The following GRIP1 variants were observed in gnomAD, a reference collection of about 807,000 sequenced individuals.
GRIP1 encodes the protein glutamate receptor interacting protein 1, also known as glutamate receptor-interacting protein 1.
A neutral mutation model predicts 129.9 loss-of-function variants in GRIP1; 45 were observed. The observed-to-expected ratio is 0.35, with a 90% CI of 0.27 to 0.44. The LOEUF (loss-of-function observed/expected upper bound fraction) is 0.44, where lower values mean the gene tolerates loss of function less well. GRIP1 is among the 20% of genes least tolerant of loss of function. GRIP1 has a pLI of 1.00. For synonymous variants in GRIP1, 530 were observed against 520.8 expected (o/e 1.02, Z -0.24); for missense variants, 1,196 against 1,396.8 (o/e 0.86, Z 2.29).
At chr12:67,067,487 A>G (rs2043649212) in intron 1 of GRIP1, among the ~76,000 whole-genome samples, 1 of 152,200 alleles carries the variant, frequency 6.6e-6, no homozygotes, top group Non-Finnish European at 1.5e-5. Context: ...GCTATTTGCA[A>G]CTTTAAAGAT....
intron 24 of GRIP1, among the ~76,000 whole-genome samples, chr12:66,352,735 A>AG (rs2054295207): frequency 6.6e-6 from 1 of 151,690 alleles, no homozygotes; most frequent in South Asian, 2.1e-4. Context: ...AAAAAAAAAA[A>AG]AGGAAAAAAG....
chr12:66,381,013 C>A (rs976221440), intron 19 of GRIP1, among the ~76,000 whole-genome samples: 13 of 152,288 alleles, frequency 8.5e-5, no homozygotes, highest in African/African-American at 3.1e-4. Context: ...CTTCCCCATT[C>A]ACTTTCTCTC....
At chr12:66,763,242 C>A (rs941334898) in intron 1 of GRIP1, among the ~76,000 whole-genome samples, 11 of 152,136 alleles carry the variant, frequency 7.2e-5, no homozygotes, top group Non-Finnish European at 1.6e-4. Flanking sequence ...ACCCTCTAAA[C>A]TACAAAGGCC....
Position 66,833,060 on chromosome 12 carries a change from A to G in GRIP1, c.58+235990T>C, listed in dbSNP as rs2039547065. 1.3e-5 allele frequency among the ~76,000 whole-genome samples: 2 copies of G among 152,138 alleles called. 1 individual carries two copies. The highest frequency in any genetic ancestry group is 4.1e-4 in the South Asian group (2 of 4,820). On this transcript the variant is annotated intron_variant, in intron 1 of 1. Coordinates refer to the GRIP1 transcript ENST00000643019. ...AACTTAGGGCAGAATCTAATCCTAG[A>G]ATTACCAATTTCATGAAGCCAGTTT...
At chr12:66,559,881 A>G (rs980646947) in intron 2 of GRIP1, among the ~76,000 whole-genome samples, 2 of 152,164 alleles carry the variant, frequency 1.3e-5, no homozygotes, top group Admixed American at 6.6e-5. Context: ...CTGAGGAAAA[A>G]TAAAACTGGA....
Position 66,462,959 on chromosome 12 carries a change from T to C in GRIP1, c.1007A>G (p.His336Arg), listed in dbSNP as rs2059178200. ...CCCCTTTAGGGCCAGCCGGGTCTGATGATGGGGAAGGATCTCAAGCTTGAC... is the reference window on the plus strand; with the variant it reads ...CCCCTTTAGGGCCAGCCGGGTCTGACGATGGGGAAGGATCTCAAGCTTGAC... ...DQVKLEILPH[H>R]QTRLALKGPD... Residue 336 changes from histidine (H) to arginine (R), a missense_variant, in exon 9 of 25, where the codon CAT (histidine) becomes CGT (arginine). This residue lies in a region of GRIP1 where 508 missense variants were observed against 587.0 expected (regional missense o/e 0.87). Coordinates refer to ENST00000359742, the MANE Select transcript of GRIP1 (RefSeq NM_001366722.1). The C allele has an allele frequency of 6.2e-7, 1 of 1,614,076 alleles. No individual in the cohort carries two copies. The highest frequency in any genetic ancestry group is 1.7e-5 in the Admixed American group (1 of 60,004).
Position 66,719,375 on chromosome 12 carries a change from A to G in GRIP1, c.-420+84678T>C, listed in dbSNP as rs957684690. Among the ~76,000 whole-genome samples, 67 of 152,316 alleles carry G rather than the reference A, an allele frequency of 4.4e-4. 1 individual carries two copies. The highest frequency in any genetic ancestry group is 1.6e-3 in the African/African-American group (67 of 41,590). On this transcript the variant is annotated intron_variant, in intron 1 of 4. Coordinates refer to the GRIP1 transcript ENST00000538373. ...CCATTGAGGAGATGAGAGATCTTCC[A>G]TCCCTCCTCAGGGATAGATGTTAAC...
chr12:66,497,724 C>T (rs1360218598), intron 7 of GRIP1, among the ~76,000 whole-genome samples: 3 of 152,056 alleles, frequency 2.0e-5, no homozygotes, highest in Admixed American at 2.0e-4. Flanking sequence ...AGTGTGTGGA[C>T]AGCAAAAATG....
intron 2 of GRIP1, among the ~76,000 whole-genome samples, chr12:66,576,090 G>T (rs987147151): frequency 6.6e-6 from 1 of 152,140 alleles, no homozygotes; most frequent in African/African-American, 2.4e-5. Flanking sequence ...AGAAATCTTA[G>T]ACCTCTGGGA....
chr12:66,783,970 A>G (rs1167698826), intron 1 of GRIP1, among the ~76,000 whole-genome samples: 2 of 152,170 alleles, frequency 1.3e-5, no homozygotes, highest in Non-Finnish European at 2.9e-5. Context: ...CAATTCATTC[A>G]TATTGTAAGA....
chr12:66,795,803 T>C (rs2038678115), intron 1 of GRIP1, among the ~76,000 whole-genome samples: 1 of 152,142 alleles, frequency 6.6e-6, no homozygotes, highest in Non-Finnish European at 1.5e-5. Context: ...CTTTGACATA[T>C]AATCTTTCCT....
intron 1 of GRIP1, among the ~76,000 whole-genome samples, chr12:66,694,132 C>T (rs777164288): frequency 1.9e-4 from 29 of 152,120 alleles, no homozygotes; most frequent in African/African-American, 6.8e-4. Flanking sequence ...TACATAGATT[C>T]ATCACATCTA....
rs542521789 is a variant in GRIP1 at position 67,045,555 on chromosome 12, A to G, written c.58+23495T>C. ...GGATGGGAAACAAAGTCACTTGCACACTGTCTTGGCCTGAGGAAGGCAAAT... is the reference window on the plus strand; with the variant it reads ...GGATGGGAAACAAAGTCACTTGCACGCTGTCTTGGCCTGAGGAAGGCAAAT... On this transcript the variant is annotated intron_variant, in intron 1 of 1. Coordinates refer to the GRIP1 transcript ENST00000643019. Among the ~76,000 whole-genome samples the G allele has an allele frequency of 9.8e-5, 15 of 152,350 alleles. No homozygotes were observed. In the South Asian group the frequency reaches 2.9e-3, roughly 29 times the overall value.
chr12:66,948,600 T>C (rs535447397), intron 1 of GRIP1, among the ~76,000 whole-genome samples: 140 of 152,214 alleles, frequency 9.2e-4, no homozygotes, highest in African/African-American at 3.0e-3. Flanking sequence ...GATAAGCTAC[T>C]GTAAAGCAGG....
intron 1 of GRIP1, among the ~76,000 whole-genome samples, chr12:66,825,323 CA>C (rs2039391010): frequency 6.6e-6 from 1 of 152,114 alleles, no homozygotes; most frequent in Non-Finnish European, 1.5e-5. Context: ...TACCTTTCTC[CA>C]TATGACTTTA....
intron 1 of GRIP1, among the ~76,000 whole-genome samples, chr12:66,859,722 A>G (rs990877671): frequency 6.6e-6 from 1 of 152,040 alleles, no homozygotes; most frequent in Non-Finnish European, 1.5e-5. Flanking sequence ...TGAAGAGATC[A>G]CTGTCAATCT....
chr12:66,418,434 A>G (rs147008729), intron 15 of GRIP1, among the ~76,000 whole-genome samples: 198 of 152,292 alleles, frequency 1.3e-3, no homozygotes, highest in Middle Eastern at 3.4e-3. Context: ...CAAAATGGAC[A>G]AATGGGATCA....
intron 1 of GRIP1, among the ~76,000 whole-genome samples, chr12:66,694,843 A>G (rs2035099769): frequency 6.6e-6 from 1 of 152,132 alleles, no homozygotes; most frequent in Admixed American, 6.6e-5. Flanking sequence ...GGATTACCAC[A>G]GTAGACATCC....
chr12:66,417,163 C>T (rs1398194004), intron 15 of GRIP1, among the ~76,000 whole-genome samples: 1 of 152,010 alleles, frequency 6.6e-6, no homozygotes, highest in African/African-American at 2.4e-5. Flanking sequence ...TGAAACACAT[C>T]ATGTCAGTAG....
Sources: gnomAD v4.1 joint callset for allele counts (sites outside exome capture counted in the v4.1 genomes callset) on GRCh38, gnomAD v4.1.1 for gene constraint, gnomAD v4.1.1 regional missense constraint, MANE v1.5 for transcripts, NCBI Gene and HGNC (gene_info 2026-07-23, HGNC 2026-07-21) for gene names.